CADM2: variants seen among roughly 807,000 people sequenced by gnomAD.
CADM2 encodes immunoglobulin superfamily member 4D.
CADM2 carries 12 observed loss-of-function variants against 49.8 expected under a neutral mutation model. That is an observed-to-expected ratio of 0.24 (90% CI 0.15 to 0.39). The LOEUF is 0.39. Among genes scored for constraint, CADM2 ranks in the 10% least tolerant of loss-of-function variants. The pLI is 1.00. For synonymous variants in CADM2, 214 were observed against 175.4 expected (o/e 1.22, Z -1.74); for missense variants, 378 against 492.3 (o/e 0.77, Z 2.20).
chr3:84,980,774 C>T (rs1331230367), intron 1 of CADM2, among the ~76,000 whole-genome samples: 2 of 152,068 alleles, frequency 1.3e-5, no homozygotes. Flanking sequence ...ATATCCAGTT[C>T]AGAGGATATG....
In CADM2 at chr3:86,072,987, G is replaced by T. The variant is rs1456888983; in HGVS notation, c.*6204G>T. Reference sequence around the variant, plus strand: ...TACTTATTGTAGATTCAATGACGCAGTTAAGTCATCACCCAAGGATTTATG... The same window carrying T: ...TACTTATTGTAGATTCAATGACGCATTTAAGTCATCACCCAAGGATTTATG... On this transcript the variant is annotated 3_prime_UTR_variant, in exon 10 of 10. Coordinates refer to ENST00000383699, the MANE Select transcript of CADM2 (RefSeq NM_001167675.2). 6.6e-6 allele frequency: 1 copy of T among 151,990 alleles called. No individual in the cohort carries two copies. Among genetic ancestry groups the T allele is most frequent in the Non-Finnish European group, 1.5e-5 (1 of 67,944 alleles). 9.4% of individuals were successfully genotyped at this position (151,990 alleles called of 1,614,324 possible). A position where few individuals can be genotyped will look rare whatever the true frequency, so the allele number is the denominator to read the frequency against.
chr3:85,761,367 C>CATTTTTTTTTTTTTTTTTTTTT (rs1435295947), intron 2 of CADM2, among the ~76,000 whole-genome samples: 1 of 101,090 alleles, frequency 9.9e-6, no homozygotes. Context: ...CAACACAAAA[C>CATTTTTTTTTTTTTTTTTTTTT]TTTTTTTTTT....
chr3:85,067,094 T>TA (rs1237874805), intron 1 of CADM2, among the ~76,000 whole-genome samples: 1 of 152,158 alleles, frequency 6.6e-6, no homozygotes, highest in Non-Finnish European at 1.5e-5. Flanking sequence ...ACTCTATTTT[T>TA]AAAAAATGTT....
intron 1 of CADM2, among the ~76,000 whole-genome samples, chr3:85,575,292 C>T (rs1040563983): frequency 2.0e-4 from 30 of 152,348 alleles, no homozygotes; most frequent in African/African-American, 6.0e-4. Flanking sequence ...TGGCTCACGC[C>T]TGTAATCCCA....
At chr3:85,701,763 G>C (rs1344764461) in intron 1 of CADM2, among the ~76,000 whole-genome samples, 1 of 152,104 alleles carries the variant, frequency 6.6e-6, no homozygotes, top group Admixed American at 6.6e-5. Flanking sequence ...CCATAGAAAA[G>C]ATGCTCTCTA....
At chr3:85,976,101 T>C (rs12485709) in intron 8 of CADM2, among the ~76,000 whole-genome samples, 46,645 of 151,482 alleles carry the variant, frequency 0.31, 8,377 homozygotes, top group East Asian at 0.41. Flanking sequence ...TTATGATGTA[T>C]GTGTGCATGT....
rs772956503 is a variant in CADM2, at chr3:85,568,451, CTTTCTT to C, written c.62-158069_62-158064del. Among the ~76,000 whole-genome samples, 13 of 20,100 alleles carry C rather than the reference CTTTCTT, an allele frequency of 6.5e-4. 1 individual carries two copies. The highest frequency in any genetic ancestry group is 1.3e-3 in the African/African-American group (11 of 8,736). The allele number at this position is 20,100 out of a possible 152,430, so 13.2% of individuals were successfully genotyped here. A position where few individuals can be genotyped will look rare whatever the true frequency, so the allele number is the denominator to read the frequency against. On this transcript the variant is annotated intron_variant, in intron 1 of 9. Coordinates refer to ENST00000383699, the MANE Select transcript of CADM2 (RefSeq NM_001167675.2). ...TCTTTCTTTCTTTCTTTCTTTCTTT[CTTTCTT>C]TCTTTCTCTTTCTCTCTCTTTCTTT...
intron 1 of CADM2, among the ~76,000 whole-genome samples, chr3:85,192,110 A>G (rs1201171205): frequency 6.6e-6 from 1 of 151,964 alleles, no homozygotes; most frequent in Non-Finnish European, 1.5e-5. Context: ...AGTAAAAAAA[A>G]AAGACATCAA....
chr3:84,971,009 A>G (rs928548254), intron 1 of CADM2, among the ~76,000 whole-genome samples: 1 of 152,128 alleles, frequency 6.6e-6, no homozygotes, highest in Non-Finnish European at 1.5e-5. Context: ...GTTAAATATG[A>G]CATATTTTAA....
At chr3:85,822,147 G>A (rs1214861673) in intron 3 of CADM2, among the ~76,000 whole-genome samples, 2 of 152,006 alleles carry the variant, frequency 1.3e-5, no homozygotes, top group Non-Finnish European at 2.9e-5. Context: ...TTTCTTGCTG[G>A]GAATAATGTA....
intron 1 of CADM2, among the ~76,000 whole-genome samples, chr3:85,347,430 A>C (rs914652977): frequency 2.4e-5 from 3 of 122,896 alleles, no homozygotes; most frequent in Admixed American, 8.9e-5. Context: ...TGCATTGAAT[A>C]TAGCCAATTT....
intron 2 of CADM2, among the ~76,000 whole-genome samples, chr3:85,747,842 T>C (rs1370141614): frequency 6.6e-6 from 1 of 152,108 alleles, no homozygotes; most frequent in African/African-American, 2.4e-5. Context: ...ATATTACTCA[T>C]TTTGACAATG....
At chr3:86,057,371 A>T (rs944883977) in intron 8 of CADM2, among the ~76,000 whole-genome samples, 1 of 152,180 alleles carries the variant, frequency 6.6e-6, no homozygotes, top group African/African-American at 2.4e-5. Context: ...AAAAAGCAGT[A>T]ATTAAGTACA....
At chr3:85,686,995 C>T (rs777471437) in intron 1 of CADM2, among the ~76,000 whole-genome samples, 1 of 152,150 alleles carries the variant, frequency 6.6e-6, no homozygotes, top group Non-Finnish European at 1.5e-5. Context: ...TGTTCAGGAC[C>T]TCTTGAGGCT....
intron 1 of CADM2, among the ~76,000 whole-genome samples, chr3:85,143,278 T>A: frequency 6.6e-6 from 1 of 151,832 alleles, no homozygotes; most frequent in South Asian, 2.1e-4. Flanking sequence ...AGCCCAGGAG[T>A]TTGAGACTAG....
At chr3:85,516,391 A>G (rs1277553420) in intron 1 of CADM2, among the ~76,000 whole-genome samples, 1 of 152,194 alleles carries the variant, frequency 6.6e-6, no homozygotes, top group Non-Finnish European at 1.5e-5. Flanking sequence ...CAAATTATTT[A>G]TTAAAAATTA....
intron 1 of CADM2, among the ~76,000 whole-genome samples, chr3:85,254,274 C>G (rs373735139): frequency 6.6e-6 from 1 of 151,958 alleles, no homozygotes; most frequent in African/African-American, 2.4e-5. Flanking sequence ...AGTTTCCATG[C>G]CCTGTCTAGG....
At chr3:85,827,934 T>C (rs1440224112) in intron 3 of CADM2, 4 of 151,954 alleles carry the variant, frequency 2.6e-5, no homozygotes, top group Admixed American at 2.6e-4. Flanking sequence ...AAGTTGGTTA[T>C]GGACAATTCC....
At chr3:85,528,145 T>C (rs1685196791) in intron 1 of CADM2, among the ~76,000 whole-genome samples, 1 of 152,190 alleles carries the variant, frequency 6.6e-6, no homozygotes, top group African/African-American at 2.4e-5. Flanking sequence ...TCTCTCTTGC[T>C]GCTTCTTCAT....
Sources: allele counts gnomAD v4.1 joint callset (sites outside exome capture counted in the v4.1 genomes callset), GRCh38; gene constraint gnomAD v4.1.1; transcripts MANE v1.5; gene names NCBI Gene and HGNC (gene_info 2026-07-23, HGNC 2026-07-21).